Variants in SLC6A5 observed in about 807,000 individuals in gnomAD.
SLC6A5 encodes sodium- and chloride-dependent glycine transporter 2.
SLC6A5 carries 58 observed loss-of-function variants against 90.5 expected under a neutral mutation model. That is an observed-to-expected ratio of 0.64 (90% CI 0.52 to 0.80). SLC6A5 has a LOEUF of 0.80. Among genes scored for constraint, SLC6A5 ranks in the 30% least tolerant of loss-of-function variants. SLC6A5 has a pLI of 0.00. For missense variants in SLC6A5, 1,015 were observed against 1,017.6 expected (o/e 1.00, Z 0.03); for synonymous variants, 427 against 401.4 (o/e 1.06, Z -0.76).
chr11:20,654,672 C>A, intron 15 of SLC6A5, 41 bp from the exon 16 acceptor site: 1 of 1,609,392 alleles, frequency 6.2e-7, no homozygotes, highest in Non-Finnish European at 8.5e-7. Context: ...GAGGAAGGTG[C>A]ACTACTTCTG....
At chr11:20,632,895 C>T (rs752187807) in intron 10 of SLC6A5, among the ~76,000 whole-genome samples, 19 of 152,096 alleles carry the variant, frequency 1.2e-4, no homozygotes, top group Non-Finnish European at 8.8e-5. Context: ...TAACACTATG[C>T]GATTTAGTTT....
chr11:20,604,879 G>A (rs1852548521), intron 3 of SLC6A5, among the ~76,000 whole-genome samples: 1 of 152,166 alleles, frequency 6.6e-6, no homozygotes. Context: ...AGGGGTTGAG[G>A]CTGTGCTGTC....
chr11:20,623,882 C>T (rs1263520974), intron 7 of SLC6A5, among the ~76,000 whole-genome samples: 1 of 152,102 alleles, frequency 6.6e-6, no homozygotes, highest in Non-Finnish European at 1.5e-5. Context: ...TCCCCACACC[C>T]CACCCCACTT....
chr11:20,626,368 A>G (rs1377695164), intron 7 of SLC6A5, among the ~76,000 whole-genome samples: 1 of 151,856 alleles, frequency 6.6e-6, no homozygotes, highest in Non-Finnish European at 1.5e-5. Context: ...TCTAGCGGGC[A>G]TGGGCACAGA....
intron 3 of SLC6A5, 82 bp downstream of exon 3, chr11:20,604,506 G>T: frequency 6.5e-7 from 1 of 1,548,332 alleles, no homozygotes; most frequent in East Asian, 2.3e-5. Context: ...CCTCAGGCAG[G>T]GCCGCCGGGC....
chr11:20,611,795 C>T (rs1371543538), intron 5 of SLC6A5, among the ~76,000 whole-genome samples: 1 of 151,054 alleles, frequency 6.6e-6, no homozygotes, highest in East Asian at 2.0e-4. Flanking sequence ...AGGTGTCAAT[C>T]CCCACTCTTT....
At chr11:20,604,123 T>G (rs757619616) in intron 2 of SLC6A5, among the ~76,000 whole-genome samples, 163 bp from the exon 3 acceptor site, 1 of 151,910 alleles carries the variant, frequency 6.6e-6, no homozygotes, top group African/African-American at 2.4e-5. Context: ...TGCTTGTAGA[T>G]GCATCCTTTC....
At position 20,655,811 on chromosome 11, in the gene SLC6A5, A is replaced by G. The variant is rs974922722; in HGVS notation, c.*943A>G. ...CTTACCCTGGTTCTGTCTATATATT[A>G]TATATATAGGACACATGCTCTTAAA... On this transcript the variant is annotated 3_prime_UTR_variant, in exon 16 of 16. Coordinates refer to ENST00000525748, the MANE Select transcript of SLC6A5 (RefSeq NM_004211.5). 6.6e-5 allele frequency: 10 copies of G among 152,188 alleles called. No individual in the cohort carries two copies. Among genetic ancestry groups the G allele is most frequent in the African/African-American group, 2.2e-4 (9 of 41,440 alleles). The allele number at this position is 152,188 out of a possible 1,614,324, so 9.4% of individuals were successfully genotyped here.
chr11:20,615,856 G>C (rs900864396), intron 6 of SLC6A5, among the ~76,000 whole-genome samples: 1 of 152,202 alleles, frequency 6.6e-6, no homozygotes, highest in African/African-American at 2.4e-5. Context: ...GCAAACCAAA[G>C]AGGCTGCCTG....
intron 9 of SLC6A5, 151 bp from the exon 10 acceptor site, chr11:20,630,540 C>T: frequency 1.1e-6 from 1 of 925,342 alleles, no homozygotes; most frequent in South Asian, 1.3e-5. Context: ...TTAAGTGAGC[C>T]CAAGGGAGCC....
intron 11 of SLC6A5, 49 bp downstream of exon 11, chr11:20,636,468 C>A (rs1475215608): frequency 1.7e-6 from 2 of 1,198,192 alleles, no homozygotes; most frequent in Admixed American, 1.7e-5. Context: ...CTTGAAGACT[C>A]CCCCTCTCCT....
At chr11:20,621,829 G>A (rs796553677) in intron 7 of SLC6A5, among the ~76,000 whole-genome samples, 4 of 152,328 alleles carry the variant, frequency 2.6e-5, no homozygotes, top group African/African-American at 9.6e-5. Context: ...TCTGAGACAG[G>A]TCTTCCTATT....
chr11:20,600,589 C>G (rs1390461863), intron 1 of SLC6A5, among the ~76,000 whole-genome samples: 2 of 152,248 alleles, frequency 1.3e-5, no homozygotes, highest in Non-Finnish European at 2.9e-5. Flanking sequence ...CTTGTCTTTG[C>G]TACCTGGCGG....
chr11:20,620,959 C>G (rs1852877509), intron 7 of SLC6A5, among the ~76,000 whole-genome samples: 1 of 151,962 alleles, frequency 6.6e-6, no homozygotes, highest in Admixed American at 6.6e-5. Context: ...ACCACCACGC[C>G]CAGCTAATTT....
At chr11:20,645,746 C>A (rs527870189) in intron 13 of SLC6A5, among the ~76,000 whole-genome samples, 2 of 148,072 alleles carry the variant, frequency 1.4e-5, no homozygotes, top group East Asian at 2.0e-4. Flanking sequence ...TCACACTATT[C>A]TCCTGCCTCA....
intron 9 of SLC6A5, among the ~76,000 whole-genome samples, chr11:20,629,612 C>G (rs1853069122): frequency 6.6e-6 from 1 of 152,152 alleles, no homozygotes; most frequent in African/African-American, 2.4e-5. Flanking sequence ...AGCATATCTA[C>G]TACCTCAAAC....
intron 10 of SLC6A5, among the ~76,000 whole-genome samples, chr11:20,631,186 T>C (rs1350460212): frequency 1.3e-5 from 2 of 152,244 alleles, no homozygotes; most frequent in African/African-American, 4.8e-5. Context: ...CACAGGCTGC[T>C]GTAGGATGAC....
intron 14 of SLC6A5, among the ~76,000 whole-genome samples, chr11:20,650,877 A>G (rs1370517766): frequency 6.6e-6 from 1 of 151,998 alleles, no homozygotes; most frequent in Non-Finnish European, 1.5e-5. Flanking sequence ...CGTGTTAGCC[A>G]GGATGGTCTC....
rs752254977 is a variant in SLC6A5 at position 20,601,134 on chromosome 11, C to T, written c.9C>T (p.Cys3=). Reference sequence around the variant, plus strand: ...ACTTGACATTGTGTTTGCAGGATTGCAGTGCTCCCAAGGAAATGAATAAAC... The same window carrying T: ...ACTTGACATTGTGTTTGCAGGATTGTAGTGCTCCCAAGGAAATGAATAAAC... MD[C]SAPKEMNKLP... Residue 3 remains cysteine, a synonymous_variant, in exon 2 of 16, where the codon TGC becomes TGT. Coordinates refer to ENST00000525748, the MANE Select transcript of SLC6A5 (RefSeq NM_004211.5). 1.9e-6 allele frequency: 3 copies of T among 1,590,030 alleles called. No individual in the cohort carries two copies. The highest frequency in any genetic ancestry group is 1.7e-5 in the Admixed American group (1 of 58,832).
Sources: gnomAD v4.1 joint callset for allele counts (sites outside exome capture counted in the v4.1 genomes callset) on GRCh38, gnomAD v4.1.1 for gene constraint, MANE v1.5 for transcripts, NCBI Gene and HGNC (gene_info 2026-07-23, HGNC 2026-07-21) for gene names.